Variants in EPHA5 observed in about 807,000 individuals in gnomAD.
EPHA5 encodes the protein ephrin type-A receptor 5.
Under a neutral mutation model 105.0 loss-of-function variants are expected in EPHA5, and 60 were observed. The observed-to-expected ratio is 0.57, with a 90% confidence interval of 0.46 to 0.71. The LOEUF (loss-of-function observed/expected upper bound fraction) is 0.71, where lower values mean the gene tolerates loss of function less well. Among genes scored for constraint, EPHA5 ranks in the 30% least tolerant of loss-of-function variants. The pLI, the probability that EPHA5 is intolerant of heterozygous loss-of-function variation, is 0.00. For missense variants in EPHA5, 1,218 were observed against 1,274.7 expected, an observed-to-expected ratio of 0.96 and a Z score of 0.68; for synonymous variants, 513 against 449.1, an observed-to-expected ratio of 1.14 and a Z score of -1.80.
At chr4:65,570,636 T>C (rs1740035610) in intron 3 of EPHA5, among the ~76,000 whole-genome samples, 1 of 151,908 alleles carries the variant, frequency 6.6e-6, no homozygotes, top group African/African-American at 2.4e-5. Flanking sequence ...GCAGTGAAAG[T>C]AGAGAGATGA....
intron 3 of EPHA5, among the ~76,000 whole-genome samples, chr4:65,552,602 T>C (rs1738026345): frequency 6.6e-6 from 1 of 152,138 alleles, no homozygotes; most frequent in East Asian, 1.9e-4. Context: ...CAATTTCAAC[T>C]CCTCACATAA....
At chr4:65,566,618 T>G (rs1739560057) in intron 3 of EPHA5, among the ~76,000 whole-genome samples, 1 of 151,716 alleles carries the variant, frequency 6.6e-6, no homozygotes, top group Admixed American at 6.6e-5. Context: ...CCAATTTAAT[T>G]CACAGTAGAG....
chr4:65,326,673 G>A (rs1720108626), intron 16 of EPHA5, among the ~76,000 whole-genome samples: 1 of 151,214 alleles, frequency 6.6e-6, no homozygotes, highest in South Asian at 2.1e-4. Context: ...GTCTCTGCTG[G>A]ATAATTTAAT....
At chr4:65,565,749 T>G (rs1201304631) in intron 3 of EPHA5, among the ~76,000 whole-genome samples, 1 of 151,552 alleles carries the variant, frequency 6.6e-6, no homozygotes, top group Non-Finnish European at 1.5e-5. Flanking sequence ...TAATACATAT[T>G]ATGGGAAATA....
At chr4:65,325,857 G>A (rs575086574) in intron 16 of EPHA5, among the ~76,000 whole-genome samples, 9 of 151,022 alleles carry the variant, frequency 6.0e-5, no homozygotes, top group South Asian at 2.1e-4. Context: ...CTTATGCATC[G>A]TAGAATATTC....
intron 14 of EPHA5, among the ~76,000 whole-genome samples, chr4:65,342,038 G>A (rs753675566): frequency 2.3e-4 from 35 of 152,034 alleles, no homozygotes; most frequent in Non-Finnish European, 4.6e-4. Context: ...TCTTAGATCA[G>A]TAGACTTCCA....
intron 3 of EPHA5, among the ~76,000 whole-genome samples, chr4:65,500,341 G>T (rs1201673912): frequency 1.3e-5 from 2 of 151,138 alleles, no homozygotes; most frequent in African/African-American, 2.4e-5. Context: ...CTGGGGGAAA[G>T]AAAATTATGT....
At chr4:65,512,672 C>T (rs769072407) in intron 3 of EPHA5, among the ~76,000 whole-genome samples, 7 of 152,058 alleles carry the variant, frequency 4.6e-5, no homozygotes, top group Non-Finnish European at 1.0e-4. Context: ...ATAGGGCTTC[C>T]TGTAAAACTT....
chr4:65,385,472 A>G (rs1719990215), intron 8 of EPHA5, among the ~76,000 whole-genome samples: 1 of 151,950 alleles, frequency 6.6e-6, no homozygotes, highest in African/African-American at 2.4e-5. Flanking sequence ...TATTATGATA[A>G]TTGAACATAC....
intron 5 of EPHA5, among the ~76,000 whole-genome samples, chr4:65,480,026 G>A (rs1349586623): frequency 1.3e-5 from 2 of 151,728 alleles, no homozygotes; most frequent in African/African-American, 4.8e-5. Context: ...CATGAATTGA[G>A]GCACATTATT....
At chr4:65,440,604 A>G (rs1466263306) in intron 5 of EPHA5, among the ~76,000 whole-genome samples, 1 of 152,046 alleles carries the variant, frequency 6.6e-6, no homozygotes, top group East Asian at 1.9e-4. Flanking sequence ...AGTAAAAAAT[A>G]CACTTCAATT....
chr4:65,612,357 T>G (rs1744859305), intron 2 of EPHA5, among the ~76,000 whole-genome samples: 1 of 152,172 alleles, frequency 6.6e-6, no homozygotes, highest in South Asian at 2.1e-4. Context: ...TTCCAAAACT[T>G]ATTATTCCAC....
At chr4:65,436,910 C>T (rs544219552) in intron 5 of EPHA5, among the ~76,000 whole-genome samples, 6 of 151,932 alleles carry the variant, frequency 3.9e-5, no homozygotes, top group African/African-American at 1.2e-4. Context: ...GAAAATGATG[C>T]CAGGCTTTTG....
At chr4:65,654,225 C>T (rs1249616576) in intron 1 of EPHA5, among the ~76,000 whole-genome samples, 1 of 149,272 alleles carries the variant, frequency 6.7e-6, no homozygotes, top group Non-Finnish European at 1.5e-5. Context: ...GACATCTACC[C>T]TCCAACTTCT....
intron 3 of EPHA5, among the ~76,000 whole-genome samples, chr4:65,512,573 G>C (rs58586377): frequency 0.21 from 32,606 of 151,910 alleles, 3,798 homozygotes; most frequent in Middle Eastern, 0.33. Flanking sequence ...CTCTCTTGCT[G>C]CTATGGCCAT....
At chr4:65,407,866 C>A (rs1316172475) in intron 7 of EPHA5, among the ~76,000 whole-genome samples, 1 of 151,916 alleles carries the variant, frequency 6.6e-6, no homozygotes, top group Non-Finnish European at 1.5e-5. Flanking sequence ...TGTGATCCTC[C>A]CACCTCAACC....
chr4:65,462,358 T>C (rs1020982996), intron 5 of EPHA5, among the ~76,000 whole-genome samples: 1 of 152,202 alleles, frequency 6.6e-6, no homozygotes, highest in African/African-American at 2.4e-5. Flanking sequence ...TACCATGATA[T>C]TGACTATTTA....
At chr4:65,571,016 C>T (rs1241165184) in intron 3 of EPHA5, among the ~76,000 whole-genome samples, 2 of 151,868 alleles carry the variant, frequency 1.3e-5, no homozygotes, top group South Asian at 2.1e-4. Flanking sequence ...CCTTCCGCTG[C>T]CCACTCTCTC....
chr4:65,601,998 C>T lies in EPHA5; in HGVS notation c.553G>A (p.Glu185Lys), dbSNP rs2149439746. ...ATAACACGGTCACCAAGATCAAGTT[C>T]TGTAAAGCTTTCATCGGCAGCAATG... ...DTIAADESFT[E>K]LDLGDRVMKL... Residue 185 changes from glutamate (E) to lysine (K), a missense_variant, in exon 3 of 17, where the codon GAA becomes AAA. Physicochemically the swap from Glu to Lys is moderately conservative, Grantham distance 56. Coordinates refer to ENST00000613740, the MANE Select transcript of EPHA5 (RefSeq NM_001281766.3). The T allele has an allele frequency of 6.2e-7, 1 of 1,614,144 alleles. No homozygotes were observed. The highest frequency in any genetic ancestry group is 8.5e-7 in the Non-Finnish European group (1 of 1,180,006).
Sources: gnomAD v4.1 joint callset for allele counts (sites outside exome capture counted in the v4.1 genomes callset) on GRCh38, gnomAD v4.1.1 for gene constraint, MANE v1.5 for transcripts, NCBI Gene and HGNC (gene_info 2026-07-23, HGNC 2026-07-21) for gene names.